RALYL: variants seen among roughly 807,000 people sequenced by gnomAD.
The protein encoded by RALYL is RALY RNA binding protein like, also known as RNA-binding Raly-like protein.
A neutral mutation model predicts 35.1 loss-of-function variants in RALYL; 29 were observed. That is an observed-to-expected ratio of 0.83 (90% CI 0.61 to 1.13). The LOEUF (loss-of-function observed/expected upper bound fraction) is 1.13. Among genes scored for constraint, RALYL ranks in the 50% most tolerant of loss-of-function variants. RALYL has a pLI of 0.00. For missense variants in RALYL, 359 were observed against 360.4 expected, an observed-to-expected ratio of 1.00 and a Z score of 0.03; for synonymous variants, 120 against 127.6, an observed-to-expected ratio of 0.94 and a Z score of 0.40.
intron 1 of RALYL, among the ~76,000 whole-genome samples, chr8:84,243,503 T>A (rs990434866): frequency 7.3e-6 from 1 of 136,068 alleles, no homozygotes; most frequent in African/African-American, 3.1e-5. Context: ...CTCTCACACT[T>A]TTTTTTTTTT....
At chr8:84,367,339 T>TTG (rs1563800233) in intron 1 of RALYL, among the ~76,000 whole-genome samples, 2 of 63,866 alleles carry the variant, frequency 3.1e-5, no homozygotes, top group Non-Finnish European at 5.3e-5. Flanking sequence ...TTTTTTTTTT[T>TTG]TTTTTTTTTT....
chr8:84,469,422 C>T (rs1230170990), intron 1 of RALYL, among the ~76,000 whole-genome samples: 1 of 152,102 alleles, frequency 6.6e-6, no homozygotes, highest in Non-Finnish European at 1.5e-5. Context: ...TCAGTGTGCC[C>T]CTGCTGGGGG....
intron 2 of RALYL, among the ~76,000 whole-genome samples, chr8:84,531,502 G>T (rs1298519127): frequency 6.6e-6 from 1 of 151,930 alleles, no homozygotes; most frequent in East Asian, 1.9e-4. Context: ...TTTTCCACTT[G>T]TCTTTTTGTT....
intron 2 of RALYL, among the ~76,000 whole-genome samples, chr8:84,715,165 G>T (rs2132534731): frequency 6.6e-6 from 1 of 151,882 alleles, no homozygotes; most frequent in South Asian, 2.1e-4. Flanking sequence ...AAATTGAGTA[G>T]TTCTAAATGA....
At chr8:84,550,078 C>G (rs1371128739) in intron 2 of RALYL, among the ~76,000 whole-genome samples, 1 of 152,106 alleles carries the variant, frequency 6.6e-6, no homozygotes, top group Non-Finnish European at 1.5e-5. Flanking sequence ...CAGATAGCTA[C>G]CCTTTCTGCT....
chr8:84,680,815 T>A (rs1438192785), intron 2 of RALYL, among the ~76,000 whole-genome samples: 15 of 151,940 alleles, frequency 9.9e-5, no homozygotes, highest in Middle Eastern at 6.8e-3. Context: ...GTTCACTCTG[T>A]TGGTAGTTTC....
intron 1 of RALYL, among the ~76,000 whole-genome samples, chr8:84,274,842 A>G (rs370860567): frequency 5.9e-5 from 9 of 152,172 alleles, no homozygotes; most frequent in Non-Finnish European, 2.9e-5. Flanking sequence ...TTTTTTTGCC[A>G]TATGGCATCT....
At chr8:84,527,458 A>C (rs1160630782) in intron 1 of RALYL, among the ~76,000 whole-genome samples, 3 of 152,206 alleles carry the variant, frequency 2.0e-5, no homozygotes, top group African/African-American at 7.2e-5. Context: ...CCAGGAAATA[A>C]AATGTCAACT....
intron 1 of RALYL, among the ~76,000 whole-genome samples, chr8:84,200,600 C>A (rs1432009913): frequency 2.0e-5 from 3 of 152,050 alleles, no homozygotes; most frequent in Non-Finnish European, 4.4e-5. Flanking sequence ...ACAGTTTTGA[C>A]ATTTGTTGCT....
At chr8:84,442,535 G>T (rs2048441231) in intron 1 of RALYL, among the ~76,000 whole-genome samples, 1 of 152,058 alleles carries the variant, frequency 6.6e-6, no homozygotes, top group Non-Finnish European at 1.5e-5. Context: ...CTAACTTCAA[G>T]GTGCTTACAG....
At chr8:84,607,884 G>T (rs924337420) in intron 2 of RALYL, among the ~76,000 whole-genome samples, 2 of 151,268 alleles carry the variant, frequency 1.3e-5, no homozygotes, top group South Asian at 4.2e-4. Context: ...TTTCTAAAAA[G>T]ACAAAATGTA....
intron 2 of RALYL, among the ~76,000 whole-genome samples, chr8:84,536,759 A>G (rs1317508485): frequency 6.6e-6 from 1 of 152,346 alleles, no homozygotes; most frequent in East Asian, 1.9e-4. Flanking sequence ...CTCAGTGTCT[A>G]AAGAAGATAT....
chr8:84,503,665 A>G (rs540390653), intron 1 of RALYL, among the ~76,000 whole-genome samples: 11 of 152,004 alleles, frequency 7.2e-5, no homozygotes, highest in Non-Finnish European at 1.3e-4. Context: ...CCTGGCCAAG[A>G]TGGTGAAACC....
At chr8:84,277,203 G>A (rs1835561201) in intron 1 of RALYL, among the ~76,000 whole-genome samples, 1 of 152,178 alleles carries the variant, frequency 6.6e-6, no homozygotes, top group Admixed American at 6.5e-5. Context: ...TGGCTTGGGA[G>A]GCCTCACAGT....
chr8:84,355,993 G>T (rs951222369), intron 1 of RALYL, among the ~76,000 whole-genome samples: 7 of 150,056 alleles, frequency 4.7e-5, no homozygotes, highest in Middle Eastern at 3.4e-3. Flanking sequence ...TCATGATAGT[G>T]AGTGAGTTCT....
chr8:84,351,596 A>T (rs2131077053), intron 1 of RALYL, among the ~76,000 whole-genome samples: 1 of 148,788 alleles, frequency 6.7e-6, no homozygotes, highest in African/African-American at 2.5e-5. Flanking sequence ...ATCTTTGGAC[A>T]GTTCTGATAG....
intron 1 of RALYL, among the ~76,000 whole-genome samples, chr8:84,516,212 T>A (rs1202500874): frequency 1.3e-5 from 2 of 150,734 alleles, no homozygotes; most frequent in East Asian, 4.0e-4. Flanking sequence ...AACCATGAGC[T>A]AAATTATATC....
chr8:84,615,665 T>C (rs1275372924), intron 2 of RALYL, among the ~76,000 whole-genome samples: 1 of 137,088 alleles, frequency 7.3e-6, no homozygotes, highest in East Asian at 2.3e-4. Flanking sequence ...TACATATGTA[T>C]ACATGTGCCA....
At chr8:84,475,741 TG>T (rs1383348082) in intron 1 of RALYL, among the ~76,000 whole-genome samples, 2 of 152,200 alleles carry the variant, frequency 1.3e-5, no homozygotes, top group African/African-American at 4.8e-5. Context: ...ATTGAAGGTA[TG>T]GTCTCCAGAA....
Sources: gnomAD v4.1 joint callset for allele counts (sites outside exome capture counted in the v4.1 genomes callset) on GRCh38, gnomAD v4.1.1 for gene constraint, MANE v1.5 for transcripts, NCBI Gene and HGNC (gene_info 2026-07-23, HGNC 2026-07-21) for gene names.